The following A1CF variants were observed in gnomAD, a reference collection of about 807,000 sequenced individuals.
A1CF encodes APOBEC-1 stimulating protein.
A neutral mutation model predicts 68.9 loss-of-function variants in A1CF; 48 were observed. The observed-to-expected ratio is 0.70, with a 90% CI of 0.55 to 0.89. The LOEUF is 0.89. Among genes scored for constraint, A1CF ranks in the 40% least tolerant of loss-of-function variants. The pLI is 0.00. For synonymous variants in A1CF, 272 were observed against 260.4 expected, an observed-to-expected ratio of 1.04 and a Z score of -0.43; for missense variants, 653 against 718.9, an observed-to-expected ratio of 0.91 and a Z score of 1.05.
intron 1 of A1CF, among the ~76,000 whole-genome samples, chr10:50,870,183 T>G (rs953766832): frequency 6.6e-6 from 1 of 151,954 alleles, no homozygotes; most frequent in African/African-American, 2.4e-5. Context: ...TTTCTCTAGC[T>G]ATTTTGAAAT....
chr10:50,873,208 G>C (rs2132591778), intron 1 of A1CF, among the ~76,000 whole-genome samples: 1 of 151,980 alleles, frequency 6.6e-6, no homozygotes. Flanking sequence ...CACTCACCTT[G>C]GCCTCCCAAA....
intron 3 of A1CF, among the ~76,000 whole-genome samples, chr10:50,859,308 T>C (rs1840629413): frequency 6.6e-6 from 1 of 152,148 alleles, no homozygotes; most frequent in Admixed American, 6.6e-5. Context: ...AGTTTTAAGA[T>C]TGTGGTGTTT....
chr10:50,830,311 A>C (rs1340490855), intron 6 of A1CF, among the ~76,000 whole-genome samples: 1 of 152,188 alleles, frequency 6.6e-6, no homozygotes, highest in Non-Finnish European at 1.5e-5. Flanking sequence ...TTCACTTAAT[A>C]TAATGTCCTC....
intron 3 of A1CF, among the ~76,000 whole-genome samples, chr10:50,845,138 CTGAG>C (rs1295282810): frequency 6.6e-6 from 1 of 152,070 alleles, no homozygotes; most frequent in Non-Finnish European, 1.5e-5. Flanking sequence ...TTTCAAACAA[CTGAG>C]TATTTTTAAA....
intron 3 of A1CF, among the ~76,000 whole-genome samples, chr10:50,854,324 A>G (rs992185348): frequency 7.2e-5 from 11 of 152,092 alleles, no homozygotes; most frequent in Non-Finnish European, 1.5e-4. Flanking sequence ...TAAATGTTAA[A>G]ATTGAATACT....
At chr10:50,833,915 A>G (rs560074607) in intron 6 of A1CF, among the ~76,000 whole-genome samples, 243 of 152,280 alleles carry the variant, frequency 1.6e-3, no homozygotes, top group Non-Finnish European at 1.9e-3. Flanking sequence ...AGGGGGTTGC[A>G]TTGGATCATA....
chr10:50,813,749 GA>G, intron 10 of A1CF, 107 bp downstream of exon 10: 7 of 1,181,448 alleles, frequency 5.9e-6, no homozygotes, highest in South Asian at 3.0e-5. Flanking sequence ...TATATTAAAA[GA>G]AAAAAACCCA....
chr10:50,860,512 TATGTAATAAAA>T (rs1218329503), intron 2 of A1CF, among the ~76,000 whole-genome samples: 1 of 152,182 alleles, frequency 6.6e-6, no homozygotes, highest in Non-Finnish European at 1.5e-5. Flanking sequence ...CAAAGTACTC[TATGTAATAAAA>T]ATGTGACATT....
At chr10:50,868,397 A>G (rs1488676880) in intron 1 of A1CF, among the ~76,000 whole-genome samples, 1 of 152,216 alleles carries the variant, frequency 6.6e-6, no homozygotes, top group Non-Finnish European at 1.5e-5. Flanking sequence ...TATTTTGGAA[A>G]TTAATTCTTG....
rs551317484 is a variant in A1CF, at chr10:50,800,625, A to C, written c.*6104T>G. 1.8e-4 allele frequency: 28 copies of C among 152,302 alleles called. No homozygotes were observed. In the South Asian group the frequency reaches 5.4e-3, roughly 29 times the overall value. 9.4% of individuals were successfully genotyped at this position (152,302 alleles called of 1,614,324 possible). A position where few individuals can be genotyped will look rare whatever the true frequency, so the allele number is the denominator to read the frequency against. ...TGCATAGTAAACACAGGCTGATCAT[A>C]TATTCTCTGAAGAATAGATTTGAGG... On this transcript the variant is annotated 3_prime_UTR_variant, in exon 13 of 13. Coordinates refer to ENST00000373997, the MANE Select transcript of A1CF (RefSeq NM_014576.4).
chr10:50,883,019 T>C (rs1841852197), intron 1 of A1CF, among the ~76,000 whole-genome samples: 1 of 152,182 alleles, frequency 6.6e-6, no homozygotes, highest in South Asian at 2.1e-4. Flanking sequence ...ATATACTCTG[T>C]GTGTGTGCTT....
At chr10:50,866,502 G>C (rs1589039249) in intron 1 of A1CF, among the ~76,000 whole-genome samples, 1 of 152,206 alleles carries the variant, frequency 6.6e-6, no homozygotes, top group South Asian at 2.1e-4. Context: ...TCCCGACCCT[G>C]TTGGCCTCAG....
chr10:50,877,171 T>G (rs1040497738), intron 1 of A1CF, among the ~76,000 whole-genome samples: 3 of 152,244 alleles, frequency 2.0e-5, no homozygotes, highest in African/African-American at 7.2e-5. Flanking sequence ...TTAAGTTGTC[T>G]TTTGAATTGG....
chr10:50,864,693 A>C (rs1589036850), intron 1 of A1CF, among the ~76,000 whole-genome samples: 1 of 151,988 alleles, frequency 6.6e-6, no homozygotes, highest in South Asian at 2.1e-4. Flanking sequence ...ATCTCAGCTC[A>C]CCGCAACCTC....
chr10:50,818,492 A>G (rs531498623), intron 8 of A1CF, among the ~76,000 whole-genome samples: 1 of 152,030 alleles, frequency 6.6e-6, no homozygotes, highest in African/African-American at 2.4e-5. Flanking sequence ...GGGAATTTGA[A>G]TATGTTTCAA....
intron 3 of A1CF, among the ~76,000 whole-genome samples, chr10:50,855,263 G>A (rs1840426106): frequency 6.6e-6 from 1 of 151,734 alleles, no homozygotes; most frequent in Non-Finnish European, 1.5e-5. Context: ...AGAAGTATAT[G>A]CTAGCTTTCG....
chr10:50,878,644 A>G (rs904004290), intron 1 of A1CF, among the ~76,000 whole-genome samples: 1 of 152,216 alleles, frequency 6.6e-6, no homozygotes, highest in African/African-American at 2.4e-5. Flanking sequence ...TTACTAAATT[A>G]TTATAGAAAG....
rs932466603 is a variant in A1CF at position 50,833,314 on chromosome 10, C to T, written c.604+2760G>A. 5.3e-5 allele frequency among the ~76,000 whole-genome samples: 8 copies of T among 152,186 alleles called. No homozygotes were observed. In the South Asian group the frequency reaches 6.2e-4, roughly 12 times the overall value. ...AGACCTACTGAATCAAGAACTCTGG[C>T]GGTGGGATCTAGCAATCTGTGCTAT... On this transcript the variant is annotated intron_variant, in intron 6 of 12. Transcript: ENST00000373997.
chr10:50,859,759 C>T (rs1840654163), intron 3 of A1CF, 83 bp downstream of exon 3: 2 of 1,201,124 alleles, frequency 1.7e-6, no homozygotes, highest in Non-Finnish European at 2.4e-6. Flanking sequence ...CTGACCATTC[C>T]CATTTTGCAT....
Sources: gnomAD v4.1 joint callset for allele counts (sites outside exome capture counted in the v4.1 genomes callset) on GRCh38, gnomAD v4.1.1 for gene constraint, MANE v1.5 for transcripts, NCBI Gene and HGNC (gene_info 2026-07-23, HGNC 2026-07-21) for gene names.